The following L2HGDH variants were observed in gnomAD, a reference collection of about 807,000 sequenced individuals.
L2HGDH encodes L-2-hydroxyglutarate dehydrogenase, mitochondrial.
Under a neutral mutation model 51.5 loss-of-function variants are expected in L2HGDH, and 34 were observed. That is an observed-to-expected ratio of 0.66 (90% confidence interval 0.50 to 0.88). L2HGDH has a LOEUF of 0.88. Ranked by LOEUF, L2HGDH falls within the 40% of genes least tolerant of loss-of-function variation. The pLI is 0.00. For missense variants in L2HGDH, 558 were observed against 571.9 expected, an observed-to-expected ratio of 0.98 and a Z score of 0.25; for synonymous variants, 198 against 197.9, an observed-to-expected ratio of 1.00 and a Z score of -0.01.
chr14:50,255,137 T>C lies in L2HGDH; in HGVS notation c.1197-7884A>G, dbSNP rs1346134213. ...AACATGAAATGTTTAAAGTACCAAA[T>C]TTTTCATTCCCTTTTCAAGCACTTA... On this transcript the variant is annotated intron_variant, in intron 9 of 9. Coordinates refer to ENST00000267436, the MANE Select transcript of L2HGDH (RefSeq NM_024884.3). Among the ~76,000 whole-genome samples the C allele has an allele frequency of 1.3e-5, 2 of 152,122 alleles. 1 individual carries two copies. The highest frequency in any genetic ancestry group is 4.8e-5 in the African/African-American group (2 of 41,420).
At chr14:50,291,224 A>T (rs12889058) in intron 4 of L2HGDH, among the ~76,000 whole-genome samples, 1 of 130,602 alleles carries the variant, frequency 7.7e-6, no homozygotes, top group Admixed American at 7.5e-5. Flanking sequence ...AAAAAAAAAA[A>T]CAAACAAAAA....
intron 4 of L2HGDH, chr14:50,287,419 T>C: frequency 5.8e-6 from 3 of 521,640 alleles, no homozygotes; most frequent in Non-Finnish European, 4.9e-6. Context: ...TTTCAAACTC[T>C]ACAATTAAAT....
intron 5 of L2HGDH, among the ~76,000 whole-genome samples, chr14:50,282,138 C>A (rs926106895): frequency 6.6e-6 from 1 of 152,132 alleles, no homozygotes; most frequent in Non-Finnish European, 1.5e-5. Flanking sequence ...CTGCACCTAG[C>A]CTAGAGACAT....
At chr14:50,270,375 G>A (rs181350336) in intron 6 of L2HGDH, among the ~76,000 whole-genome samples, 1 of 152,246 alleles carries the variant, frequency 6.6e-6, no homozygotes, top group East Asian at 1.9e-4. Flanking sequence ...ACTTCTTACA[G>A]AGTAAACACC....
intron 5 of L2HGDH, among the ~76,000 whole-genome samples, chr14:50,283,446 C>T (rs113903238): frequency 6.6e-6 from 1 of 152,048 alleles, no homozygotes; most frequent in Non-Finnish European, 1.5e-5. Context: ...CATACTCTAG[C>T]CTAGCTCCAT....
chr14:50,247,333 A>T, intron 9 of L2HGDH, 80 bp from the exon 10 acceptor site: 1 of 1,551,826 alleles, frequency 6.4e-7, no homozygotes, highest in Non-Finnish European at 8.7e-7. Context: ...AAAGTCTTAA[A>T]GCAATAAAGT....
At chr14:50,294,883 G>C (rs2029937487) in intron 3 of L2HGDH, among the ~76,000 whole-genome samples, 1 of 152,090 alleles carries the variant, frequency 6.6e-6, no homozygotes, top group African/African-American at 2.4e-5. Context: ...GGAAAACACA[G>C]GTGCATATTC....
At chr14:50,270,637 G>A (rs1889623202) in intron 6 of L2HGDH, among the ~76,000 whole-genome samples, 1 of 152,116 alleles carries the variant, frequency 6.6e-6, no homozygotes, top group Non-Finnish European at 1.5e-5. Flanking sequence ...CTTCCGAGTA[G>A]CCGGAACTAC....
chr14:50,293,099 T>G (rs2029868893), intron 4 of L2HGDH: 2 of 636,014 alleles, frequency 3.1e-6, no homozygotes, highest in Non-Finnish European at 5.7e-6. Flanking sequence ...GGTGACAGAG[T>G]AAGAACCCAT....
At position 50,267,736 on chromosome 14, in the gene L2HGDH, AAAAT is replaced by A. The variant is rs1242938011; in HGVS notation, c.1064+13_1064+16del. 4.4e-6 allele frequency: 7 copies of A among 1,580,162 alleles called. No individual in the cohort carries two copies. In the African/African-American group the frequency reaches 8.1e-5, roughly 18 times the overall value. ...ATATAAGCACATAAAATCATTTTTA[AAAAT>A]AAATAATGTTACCTATTGATAATTA... On this transcript the variant is annotated intron_variant, in intron 8 of 9. Coordinates refer to ENST00000267436, the MANE Select transcript of L2HGDH (RefSeq NM_024884.3).
chr14:50,304,588 A>C (rs1247719969), intron 1 of L2HGDH, among the ~76,000 whole-genome samples: 2 of 152,112 alleles, frequency 1.3e-5, no homozygotes, highest in Non-Finnish European at 2.9e-5. Flanking sequence ...GTAATCCCAG[A>C]ACTTTGGGAG....
intron 4 of L2HGDH, among the ~76,000 whole-genome samples, chr14:50,285,738 C>T (rs1194338149): frequency 5.3e-5 from 8 of 152,154 alleles, no homozygotes; most frequent in African/African-American, 1.9e-4. Context: ...CCCAGCACAA[C>T]GTCTGACACA....
chr14:50,308,252 T>C (rs2030844662), intron 1 of L2HGDH, among the ~76,000 whole-genome samples: 1 of 152,126 alleles, frequency 6.6e-6, no homozygotes, highest in East Asian at 1.9e-4. Flanking sequence ...TGGCTGGGCA[T>C]GGTGGCGCAT....
chr14:50,251,610 T>C (rs1012863250), intron 9 of L2HGDH, among the ~76,000 whole-genome samples: 1 of 151,940 alleles, frequency 6.6e-6, no homozygotes, highest in African/African-American at 2.4e-5. Context: ...AAAGAAAGAA[T>C]TCTAAAAGCA....
chr14:50,261,882 T>C (rs1165047417), intron 9 of L2HGDH, among the ~76,000 whole-genome samples: 2 of 152,230 alleles, frequency 1.3e-5, no homozygotes, highest in African/African-American at 2.4e-5. Flanking sequence ...TCCAATCTCA[T>C]GTTCACCAGT....
rs117854118 is a variant in L2HGDH, at chr14:50,244,645, C to T, written c.*2413G>A. On this transcript the variant is annotated 3_prime_UTR_variant, in exon 10 of 10. Transcript: ENST00000267436. ...ATCCTAAGAGTTGAATAATGGCCTACTCTGTTTACCTGGGATGTGCTACTT... is the reference window on the plus strand; with the variant it reads ...ATCCTAAGAGTTGAATAATGGCCTATTCTGTTTACCTGGGATGTGCTACTT... 19,917 of 985,374 alleles carry T rather than the reference C, an allele frequency of 0.02. 247 individuals are homozygous for T. Among genetic ancestry groups the T allele is most frequent in the South Asian group, 0.046 (972 of 21,292 alleles). The allele number at this position is 985,374 out of a possible 1,614,324, so 61.0% of individuals were successfully genotyped here.
chr14:50,276,303 G>A (rs781548917), intron 6 of L2HGDH, among the ~76,000 whole-genome samples: 34 of 152,258 alleles, frequency 2.2e-4, no homozygotes, highest in Non-Finnish European at 4.6e-4. Flanking sequence ...GAAATGCATA[G>A]TAGGGGAAGG....
intron 3 of L2HGDH, among the ~76,000 whole-genome samples, chr14:50,297,945 AC>A (rs1222962122): frequency 1.3e-5 from 2 of 148,808 alleles, no homozygotes; most frequent in African/African-American, 2.5e-5. Flanking sequence ...AAAAAAAAAA[AC>A]CAAAACGAAC....
At chr14:50,275,532 G>A (rs902435054) in intron 6 of L2HGDH, among the ~76,000 whole-genome samples, 7 of 152,226 alleles carry the variant, frequency 4.6e-5, no homozygotes, top group Admixed American at 1.3e-4. Context: ...CATTACTTCT[G>A]ATCAGTGAAC....
Sources: allele counts gnomAD v4.1 joint callset (sites outside exome capture counted in the v4.1 genomes callset), GRCh38; gene constraint gnomAD v4.1.1; transcripts MANE v1.5; gene names NCBI Gene and HGNC (gene_info 2026-07-23, HGNC 2026-07-21).